NSD1: variants seen among roughly 807,000 people sequenced by gnomAD.
NSD1 encodes the protein histone-lysine N-methyltransferase, H3 lysine-36 specific.
NSD1 carries 26 observed loss-of-function variants against 242.7 expected under a neutral mutation model. That is an observed-to-expected ratio of 0.11 (90% CI 0.08 to 0.15). The LOEUF (loss-of-function observed/expected upper bound fraction) is 0.15, where lower values mean the gene tolerates loss of function less well. Among genes scored for constraint, NSD1 ranks in the 10% least tolerant of loss-of-function variants. NSD1 has a pLI of 1.00. For missense variants in NSD1, 2,495 were observed against 3,272.8 expected, an observed-to-expected ratio of 0.76 and a Z score of 5.80; for synonymous variants, 1,106 against 1,178.1, an observed-to-expected ratio of 0.94 and a Z score of 1.25.
chr5:177,251,970 T>TA, intron 12 of NSD1, 117 bp downstream of exon 12: 1 of 1,282,152 alleles, frequency 7.8e-7, no homozygotes, highest in Non-Finnish European at 1.1e-6. Flanking sequence ...GTTACAGATA[T>TA]AGAAATGGTG....
In NSD1 at chr5:177,210,089, G is replaced by T. The variant is rs116520623; in HGVS notation, c.1690G>T (p.Ala564Ser). 9.5e-4 allele frequency: 1,525 copies of T among 1,613,450 alleles called. 13 individuals are homozygous for T. The African/African-American group carries it at 0.015, about 16-fold the overall frequency. ...AAATAGCCTCACAGGGTCCAACACTGCCCCAGGAAGTTTTCTGTTTTCTTC... is the reference window on the plus strand; with the variant it reads ...AAATAGCCTCACAGGGTCCAACACTTCCCCAGGAAGTTTTCTGTTTTCTTC... ...IANSLTGSNT[A>S]PGSFLFSSCG... is the part of the protein sequence containing the mutation. Residue 564 changes from alanine to serine, a missense_variant, in exon 5 of 23, where the codon GCC becomes TCC. This residue lies in a region of NSD1 where 515 missense variants were observed against 467.0 expected (regional missense o/e 1.10). Transcript: ENST00000439151.
At chr5:177,271,358 C>G (rs574111523) in intron 16 of NSD1, among the ~76,000 whole-genome samples, 1 of 152,002 alleles carries the variant, frequency 6.6e-6, no homozygotes, top group Admixed American at 6.6e-5. Flanking sequence ...TTTGCCAGAC[C>G]CTGTTCTGTG....
intron 19 of NSD1, among the ~76,000 whole-genome samples, chr5:177,282,945 A>C (rs932102480): frequency 6.6e-6 from 1 of 152,152 alleles, no homozygotes; most frequent in Admixed American, 6.5e-5. Flanking sequence ...TGATAAGATT[A>C]TGTAAATTTT....
intron 21 of NSD1, among the ~76,000 whole-genome samples, chr5:177,290,116 CTGTG>C (rs1759698506): frequency 2.6e-5 from 4 of 151,300 alleles, no homozygotes; most frequent in Non-Finnish European, 5.9e-5. Context: ...GCGTGAGCCA[CTGTG>C]CCCGGCCCTT....
intron 8 of NSD1, among the ~76,000 whole-genome samples, chr5:177,240,202 A>G (rs1003004580): frequency 5.9e-5 from 9 of 151,448 alleles, no homozygotes; most frequent in East Asian, 3.9e-4. Flanking sequence ...TCACTAGTCT[A>G]CTCTCCTATT....
chr5:177,278,215 C>T (rs1758555891), intron 17 of NSD1, among the ~76,000 whole-genome samples: 1 of 152,178 alleles, frequency 6.6e-6, no homozygotes, highest in African/African-American at 2.4e-5. Context: ...CTATACGATC[C>T]TCCCACTGCA....
At chr5:177,290,980 A>G (rs1759768035) in intron 21 of NSD1, among the ~76,000 whole-genome samples, 1 of 152,224 alleles carries the variant, frequency 6.6e-6, no homozygotes, top group Non-Finnish European at 1.5e-5. Context: ...GGTAGATGCT[A>G]GAGAGGTCAC....
chr5:177,262,484 A>C (rs1757070710), intron 14 of NSD1, among the ~76,000 whole-genome samples: 1 of 152,228 alleles, frequency 6.6e-6, no homozygotes, highest in African/African-American at 2.4e-5. Flanking sequence ...TACCACTGTG[A>C]AAGGAAAATA....
rs1232738536 is a variant in NSD1, at chr5:177,238,380, C to A, written c.4065C>A (p.Pro1355=). ...GGGAGGCTCCGTTTTTGGAGGGCCC[C>A]TTGGCTCAGTCAGAACTTGGAGGTG... ...LEREAPFLEG[P]LAQSELGGGH... Residue 1355 remains proline, a synonymous_variant, in exon 7 of 23, where the codon CCC becomes CCA. Coordinates refer to ENST00000439151, the MANE Select transcript of NSD1 (RefSeq NM_022455.5). The surrounding 1 kb of genome is among the most constrained non-coding windows in gnomAD (Gnocchi z 4.6). 1 of 1,614,056 alleles carries A rather than the reference C, an allele frequency of 6.2e-7. No individual in the cohort carries two copies. The highest frequency in any genetic ancestry group is 1.3e-5 in the African/African-American group (1 of 75,022).
At chr5:177,204,372 G>A (rs1325584674) in intron 4 of NSD1, 80 bp downstream of exon 4, 13 of 1,335,794 alleles carry the variant, frequency 9.7e-6, no homozygotes, top group East Asian at 2.4e-5. Context: ...ATTTATTTTC[G>A]AGACAGAACT....
chr5:177,185,540 T>C (rs1761037720), intron 2 of NSD1, among the ~76,000 whole-genome samples: 2 of 149,532 alleles, frequency 1.3e-5, no homozygotes, highest in African/African-American at 4.9e-5. Flanking sequence ...GGAGGTTGCA[T>C]TGAGTTGAGA....
chr5:177,159,970 A>G (rs1241780407), intron 2 of NSD1, among the ~76,000 whole-genome samples: 1 of 151,818 alleles, frequency 6.6e-6, no homozygotes. Flanking sequence ...GCTCACTGCA[A>G]CCTCTGCCTC....
intron 2 of NSD1, among the ~76,000 whole-genome samples, chr5:177,163,088 T>C (rs1758888785): frequency 6.6e-6 from 1 of 152,146 alleles, no homozygotes; most frequent in African/African-American, 2.4e-5. Flanking sequence ...ATTAGTTAAT[T>C]TCTCCCTCAG....
At chr5:177,230,126 T>C (rs866681006) in intron 5 of NSD1, among the ~76,000 whole-genome samples, 4 of 152,218 alleles carry the variant, frequency 2.6e-5, no homozygotes, top group African/African-American at 9.6e-5. Context: ...GTTTTATTTT[T>C]ATTTTTTATT....
At chr5:177,285,327 G>C (rs1326924200) in intron 20 of NSD1, among the ~76,000 whole-genome samples, 1 of 151,924 alleles carries the variant, frequency 6.6e-6, no homozygotes, top group East Asian at 1.9e-4. Flanking sequence ...ACTTTGGGAG[G>C]CCAACACGGG....
At chr5:177,235,486 T>A (rs1263080439) in intron 5 of NSD1, among the ~76,000 whole-genome samples, 1 of 152,238 alleles carries the variant, frequency 6.6e-6, no homozygotes, top group Non-Finnish European at 1.5e-5. Context: ...ATCTAGATGC[T>A]ACATTTTTGT....
chr5:177,280,123 G>A (rs897498015), intron 17 of NSD1, among the ~76,000 whole-genome samples: 4 of 149,300 alleles, frequency 2.7e-5, no homozygotes, highest in East Asian at 2.0e-4. Context: ...GACTACAGGC[G>A]CCCACCACCA....
At chr5:177,164,149 C>CTTTTTTT (rs56076836) in intron 2 of NSD1, among the ~76,000 whole-genome samples, 44 of 138,392 alleles carry the variant, frequency 3.2e-4, no homozygotes, top group Non-Finnish European at 3.2e-4. Flanking sequence ...AAAATGTAAC[C>CTTTTTTT]TTTTTTTTTT....
chr5:177,236,140 A>C (rs1462489118), intron 6 of NSD1, among the ~76,000 whole-genome samples, 195 bp downstream of exon 6: 1 of 152,186 alleles, frequency 6.6e-6, no homozygotes, highest in Non-Finnish European at 1.5e-5. Flanking sequence ...TATTGTATTT[A>C]TTTATGTATA....
Sources: allele counts gnomAD v4.1 joint callset (sites outside exome capture counted in the v4.1 genomes callset), GRCh38; gene constraint gnomAD v4.1.1; regional missense constraint gnomAD v4.1.1; non-coding constraint Gnocchi (gnomAD v3.1); transcripts MANE v1.5; gene names NCBI Gene and HGNC (gene_info 2026-07-23, HGNC 2026-07-21).